DENND1A: variants seen among roughly 807,000 people sequenced by gnomAD.
DENND1A encodes DENN domain-containing protein 1A.
A neutral mutation model predicts 113.7 loss-of-function variants in DENND1A; 51 were observed. The ratio of observed to expected loss-of-function variants is 0.45; its 90% CI spans 0.36 to 0.57. The LOEUF (loss-of-function observed/expected upper bound fraction) is 0.57, where lower values mean the gene tolerates loss of function less well. DENND1A is among the 20% of genes least tolerant of loss of function. The pLI is 0.00. For synonymous variants in DENND1A, 565 were observed against 570.8 expected (o/e 0.99, Z 0.14); for missense variants, 1,258 against 1,395.9 (o/e 0.90, Z 1.57).
intron 1 of DENND1A, among the ~76,000 whole-genome samples, chr9:123,920,133 T>A (rs906579010): frequency 6.1e-4 from 92 of 151,948 alleles, no homozygotes; most frequent in Non-Finnish European, 1.0e-3. Context: ...AGAAAAAGAA[T>A]AAAAAATCAC....
At chr9:123,872,344 G>A (rs555461816) in intron 2 of DENND1A, among the ~76,000 whole-genome samples, 21 of 152,210 alleles carry the variant, frequency 1.4e-4, no homozygotes, top group Non-Finnish European at 2.4e-4. Context: ...TGAAGATTCC[G>A]TTATAAGTAA....
intron 6 of DENND1A, among the ~76,000 whole-genome samples, chr9:123,671,788 A>C (rs1289072018): frequency 6.6e-6 from 1 of 152,196 alleles, no homozygotes; most frequent in East Asian, 1.9e-4. Context: ...AATTTTATTG[A>C]GTGTTCACCG....
chr9:123,890,770 C>T (rs1331653276), intron 1 of DENND1A, among the ~76,000 whole-genome samples: 1 of 152,134 alleles, frequency 6.6e-6, no homozygotes, highest in Non-Finnish European at 1.5e-5. Context: ...GGAATTTGAA[C>T]CCAGAGAGTG....
chr9:123,712,610 G>A (rs1460656661), intron 5 of DENND1A, among the ~76,000 whole-genome samples: 1 of 152,192 alleles, frequency 6.6e-6, no homozygotes, highest in Non-Finnish European at 1.5e-5. Context: ...CAATGACATA[G>A]ACCAGGCACC....
chr9:123,626,290 G>A (rs951664178), intron 10 of DENND1A, among the ~76,000 whole-genome samples: 19 of 152,136 alleles, frequency 1.2e-4, no homozygotes, highest in African/African-American at 3.9e-4. Context: ...ATGGGGAAAG[G>A]ACCTATGTCT....
At chr9:123,504,885 C>T (rs1392504376) in intron 13 of DENND1A, among the ~76,000 whole-genome samples, 2 of 152,154 alleles carry the variant, frequency 1.3e-5, no homozygotes, top group South Asian at 4.1e-4. Flanking sequence ...CATAATGACA[C>T]CAACATGTTC....
At chr9:123,592,049 T>C (rs2059483699) in intron 11 of DENND1A, among the ~76,000 whole-genome samples, 1 of 152,126 alleles carries the variant, frequency 6.6e-6, no homozygotes, top group African/African-American at 2.4e-5. Context: ...ATCAATAAAA[T>C]AGGGATAATA....
intron 21 of DENND1A, among the ~76,000 whole-genome samples, chr9:123,388,994 T>G (rs1183446140): frequency 6.6e-6 from 1 of 152,156 alleles, no homozygotes; most frequent in Non-Finnish European, 1.5e-5. Context: ...CTACCTCCTC[T>G]CCCCTCACCC....
At chr9:123,797,328 A>C (rs1021039689) in intron 2 of DENND1A, among the ~76,000 whole-genome samples, 7 of 152,192 alleles carry the variant, frequency 4.6e-5, no homozygotes, top group Non-Finnish European at 7.4e-5. Flanking sequence ...AATATGCTGC[A>C]AACAGGATAA....
At chr9:123,720,803 G>A (rs1365235340) in intron 5 of DENND1A, among the ~76,000 whole-genome samples, 1 of 152,166 alleles carries the variant, frequency 6.6e-6, no homozygotes, top group African/African-American at 2.4e-5. Flanking sequence ...CTTGCTGGGA[G>A]TAAACACTTG....
At chr9:123,686,749 A>G (rs2064836010) in intron 5 of DENND1A, among the ~76,000 whole-genome samples, 1 of 152,220 alleles carries the variant, frequency 6.6e-6, no homozygotes, top group African/African-American at 2.4e-5. Context: ...AACTTTTTCT[A>G]GAAAAACTAT....
At chr9:123,870,308 C>T (rs186336043) in intron 2 of DENND1A, among the ~76,000 whole-genome samples, 226 of 151,376 alleles carry the variant, frequency 1.5e-3, no homozygotes, top group Non-Finnish European at 2.7e-3. Context: ...CTCACTCTGC[C>T]GCCCCGGCTG....
intron 22 of DENND1A, among the ~76,000 whole-genome samples, chr9:123,386,992 C>T (rs77961279): frequency 0.018 from 2,770 of 152,320 alleles, 30 homozygotes; most frequent in Non-Finnish European, 0.029. Context: ...GTGGGCACCA[C>T]GGGCATCCCG....
chr9:123,598,475 A>AAC, intron 11 of DENND1A, among the ~76,000 whole-genome samples: 1 of 151,906 alleles, frequency 6.6e-6, no homozygotes, highest in East Asian at 1.9e-4. Context: ...AAAAAAAAAA[A>AAC]AACCAACCCC....
intron 22 of DENND1A, among the ~76,000 whole-genome samples, chr9:123,385,309 C>T (rs1564398891): frequency 6.6e-6 from 1 of 152,182 alleles, no homozygotes; most frequent in Admixed American, 6.5e-5. Context: ...GAATTACAGG[C>T]TCCTGCCTTT....
intron 10 of DENND1A, among the ~76,000 whole-genome samples, chr9:123,624,647 T>C (rs1197444000): frequency 6.6e-6 from 1 of 152,138 alleles, no homozygotes; most frequent in Admixed American, 6.5e-5. Flanking sequence ...CACCAGTAAA[T>C]ACAAAACTCA....
chr9:123,582,207 C>T (rs1017494299), intron 12 of DENND1A, among the ~76,000 whole-genome samples: 6 of 152,066 alleles, frequency 3.9e-5, no homozygotes, highest in Non-Finnish European at 5.9e-5. Flanking sequence ...CTGAAAACCC[C>T]GCCAGCTGCC....
At chr9:123,765,018 A>G (rs866992163) in intron 4 of DENND1A, among the ~76,000 whole-genome samples, 2 of 152,228 alleles carry the variant, frequency 1.3e-5, no homozygotes, top group South Asian at 2.1e-4. Flanking sequence ...AAAGGAGAGC[A>G]GGGTGAATCT....
At chr9:123,626,515 A>G (rs1370317735) in intron 10 of DENND1A, among the ~76,000 whole-genome samples, 1 of 150,448 alleles carries the variant, frequency 6.6e-6, no homozygotes, top group East Asian at 2.0e-4. Flanking sequence ...TCTCCCTTCC[A>G]TCTTCCTTGG....
Sources: allele counts gnomAD v4.1 joint callset (sites outside exome capture counted in the v4.1 genomes callset), GRCh38; gene constraint gnomAD v4.1.1; transcripts MANE v1.5; gene names NCBI Gene and HGNC (gene_info 2026-07-23, HGNC 2026-07-21).